GOLIM4: variants seen among roughly 807,000 people sequenced by gnomAD.
The protein encoded by GOLIM4 is golgi integral membrane protein 4.
In GOLIM4, 71 loss-of-function variants were observed where a neutral mutation model predicts 107.4. The ratio of observed to expected loss-of-function variants is 0.66; its 90% CI spans 0.55 to 0.81. The LOEUF is 0.81. Among genes scored for constraint, GOLIM4 ranks in the 30% least tolerant of loss-of-function variants. The pLI, the probability that GOLIM4 is intolerant of heterozygous loss-of-function variation, is 0.00. For missense variants in GOLIM4, 830 were observed against 826.1 expected (o/e 1.00, Z -0.06); for synonymous variants, 327 against 294.8 (o/e 1.11, Z -1.12).
At chr3:168,067,838 C>G (rs1190939390) in intron 1 of GOLIM4, among the ~76,000 whole-genome samples, 1 of 151,960 alleles carries the variant, frequency 6.6e-6, no homozygotes, top group Admixed American at 6.6e-5. Flanking sequence ...ATTAAAAATT[C>G]CCATAAGGCA....
At position 168,016,179 on chromosome 3, in the gene GOLIM4, TCAAA is replaced by T. The variant is rs1475157731; in HGVS notation, c.1861-5360_1861-5357del. On this transcript the variant is annotated intron_variant, in intron 14 of 15. Coordinates refer to ENST00000470487, the MANE Select transcript of GOLIM4 (RefSeq NM_014498.5). ...CTAATATCCAGAATCTACAATGAAC[TCAAA>T]CAAATTTACAAGAAAAAAACAAACA... Among the ~76,000 whole-genome samples the T allele has an allele frequency of 2.2e-5, 3 of 133,658 alleles. 1 individual carries two copies. The highest frequency in any genetic ancestry group is 1.2e-4 in the African/African-American group (3 of 25,126). 87.7% of individuals were successfully genotyped at this position (133,658 alleles called of 152,430 possible).
chr3:168,035,732 C>G (rs560230941), intron 8 of GOLIM4, among the ~76,000 whole-genome samples: 9 of 152,158 alleles, frequency 5.9e-5, no homozygotes, highest in Non-Finnish European at 1.2e-4. Flanking sequence ...AACAAACTCC[C>G]ATGACACAGT....
chr3:168,037,028 C>T, intron 7 of GOLIM4, 34 bp from the exon 8 acceptor site: 1 of 1,520,124 alleles, frequency 6.6e-7, no homozygotes, highest in Non-Finnish European at 9.1e-7. Context: ...AGGAGGGAAT[C>T]TATGAATGCC....
chr3:168,011,139 C>G (rs57058355), intron 14 of GOLIM4, among the ~76,000 whole-genome samples: 1 of 149,290 alleles, frequency 6.7e-6, no homozygotes, highest in Non-Finnish European at 1.5e-5. Context: ...TACCAGGTTC[C>G]TCTCACTAGG....
At position 168,024,959 on chromosome 3, in the gene GOLIM4, T is replaced by C. The variant is rs201418456; in HGVS notation, c.1760A>G (p.Gln587Arg). ...NEEQKQSNQKQENTEVEEHLV... is the reference protein window; with the variant it reads ...NEEQKQSNQKRENTEVEEHLV... Reference sequence around the variant, plus strand: ...ATGTTCCTCCACTTCTGTATTCTCTTGCTTTTGATTACTTTGTTTTTGCTC... The same window carrying C: ...ATGTTCCTCCACTTCTGTATTCTCTCGCTTTTGATTACTTTGTTTTTGCTC... The change falls in exon 13 of 16, where the codon CAA (glutamine) becomes CGA (arginine). Residue 587 changes from glutamine (Q) to arginine (R), a missense_variant. Physicochemically the swap from Gln to Arg is conservative, Grantham distance 43 (BLOSUM62 1). Transcript: ENST00000470487. 1.9e-4 allele frequency: 311 copies of C among 1,613,996 alleles called. No individual in the cohort carries two copies. Among genetic ancestry groups the C allele is most frequent in the Non-Finnish European group, 2.5e-4 (293 of 1,179,968 alleles).
At chr3:168,094,078 G>A (rs550138441) in intron 1 of GOLIM4, among the ~76,000 whole-genome samples, 1 of 152,234 alleles carries the variant, frequency 6.6e-6, no homozygotes, top group African/African-American at 2.4e-5. Context: ...TGGGGAGAAA[G>A]CTGCATAAGT....
chr3:168,088,833 C>T (rs980609911), intron 1 of GOLIM4, among the ~76,000 whole-genome samples: 1 of 152,174 alleles, frequency 6.6e-6, no homozygotes, highest in Non-Finnish European at 1.5e-5. Context: ...TGTACCCCAG[C>T]CCTTTTGGAA....
rs1449687533 is a variant in GOLIM4, at chr3:168,009,391, C to T, written c.*878G>A. 1.3e-5 allele frequency: 1 copy of T among 75,070 alleles called. No individual in the cohort carries two copies. The highest frequency in any genetic ancestry group is 3.1e-5 in the Non-Finnish European group (1 of 31,998). 4.7% of individuals were successfully genotyped at this position (75,070 alleles called of 1,614,324 possible). On this transcript the variant is annotated 3_prime_UTR_variant, in exon 16 of 16. Coordinates refer to ENST00000470487, the MANE Select transcript of GOLIM4 (RefSeq NM_014498.5). ...GGAAATATATATTACTTATAGGGAA[C>T]CAGACACTGAAACAAGAATATCAAT...
chr3:168,078,999 G>C (rs1374781984), intron 1 of GOLIM4, among the ~76,000 whole-genome samples: 2 of 152,108 alleles, frequency 1.3e-5, no homozygotes, highest in African/African-American at 4.8e-5. Context: ...TTATAGTTGG[G>C]TTGTATGAGG....
At position 168,044,848 on chromosome 3, in the gene GOLIM4, C is replaced by T. The variant is rs1719211004; in HGVS notation, c.346G>A (p.Val116Ile). The change falls in exon 4 of 16, where the codon GTC (valine) becomes ATC (isoleucine). Residue 116 changes from valine to isoleucine, a missense_variant. Val to Ile is a conservative substitution (Grantham distance 29). Transcript: ENST00000470487. ...CTCACTTTCAACATCTGATGTTGGA[C>T]ATTCAGTGCACTGTATCTGCTATTG... is the stretch of plus-strand genomic sequence containing the variant. ...DSNSRYSALN[V>I]QHQMLKSQHE... The T allele has an allele frequency of 1.3e-6, 2 of 1,554,806 alleles. No individual in the cohort carries two copies. The highest frequency in any genetic ancestry group is 2.8e-5 in the African/African-American group (2 of 71,972).
At chr3:168,077,958 A>T (rs1444934400) in intron 1 of GOLIM4, among the ~76,000 whole-genome samples, 2 of 152,072 alleles carry the variant, frequency 1.3e-5, no homozygotes, top group Non-Finnish European at 2.9e-5. Flanking sequence ...AAAATGTATG[A>T]TATACTCTAG....
intron 14 of GOLIM4, among the ~76,000 whole-genome samples, chr3:168,011,301 G>A (rs543876876): frequency 7.9e-5 from 12 of 152,150 alleles, no homozygotes; most frequent in Middle Eastern, 3.4e-3. Context: ...CTGGAAAATC[G>A]CGTCACTCCC....
At chr3:168,024,776 A>G (rs901555184) in intron 13 of GOLIM4, 152 bp downstream of exon 13, 3 of 841,342 alleles carry the variant, frequency 3.6e-6, no homozygotes, top group Non-Finnish European at 3.9e-6. Context: ...CCTCTCTCTC[A>G]GAGTACAGGC....
intron 14 of GOLIM4, among the ~76,000 whole-genome samples, chr3:168,017,175 A>G (rs932245457): frequency 6.6e-6 from 1 of 152,190 alleles, no homozygotes; most frequent in African/African-American, 2.4e-5. Context: ...AAAACATCTG[A>G]AGACATTTAG....
At position 168,039,606 on chromosome 3, in the gene GOLIM4, C is replaced by T. The variant is rs946393855; in HGVS notation, c.684+1180G>A. ...TATAAAACCCTGTGAGTAATACTGT[C>T]AGAGTTCTACTCCAGAATTTGGTTT... On this transcript the variant is annotated intron_variant, in intron 7 of 15. Transcript: ENST00000470487. 2.6e-5 allele frequency among the ~76,000 whole-genome samples: 4 copies of T among 152,052 alleles called. No homozygotes were observed. The South Asian group carries it at 8.3e-4, about 32-fold the overall frequency.
At chr3:168,034,295 T>C (rs1413498664) in intron 8 of GOLIM4, among the ~76,000 whole-genome samples, 1 of 152,222 alleles carries the variant, frequency 6.6e-6, no homozygotes, top group African/African-American at 2.4e-5. Context: ...TTAGTGCAGA[T>C]AACTCCTATC....
intron 14 of GOLIM4, among the ~76,000 whole-genome samples, chr3:168,014,811 C>T (rs1378563184): frequency 6.8e-6 from 1 of 146,278 alleles, no homozygotes; most frequent in Non-Finnish European, 1.5e-5. Flanking sequence ...TCAATAGATG[C>T]AGAAAAAGCC....
At chr3:168,042,391 T>C (rs1231177758) in intron 5 of GOLIM4, among the ~76,000 whole-genome samples, 2 of 152,198 alleles carry the variant, frequency 1.3e-5, no homozygotes, top group East Asian at 1.9e-4. Flanking sequence ...AGCGAGTCTC[T>C]TGCCTTGGCC....
At chr3:168,011,394 C>T (rs1027607966) in intron 14 of GOLIM4, among the ~76,000 whole-genome samples, 15 of 152,198 alleles carry the variant, frequency 9.9e-5, no homozygotes, top group South Asian at 2.1e-4. Context: ...GAGGGTCCTA[C>T]GCCCACAGAA....
Sources: gnomAD v4.1 joint callset for allele counts (sites outside exome capture counted in the v4.1 genomes callset) on GRCh38, gnomAD v4.1.1 for gene constraint, MANE v1.5 for transcripts, NCBI Gene and HGNC (gene_info 2026-07-23, HGNC 2026-07-21) for gene names.